DLG2: variants seen among roughly 807,000 people sequenced by gnomAD.
DLG2 encodes the protein discs large MAGUK scaffold protein 2.
In DLG2, 45 loss-of-function variants were observed where a neutral mutation model predicts 132.5. That is an observed-to-expected ratio of 0.34 (90% confidence interval 0.27 to 0.44). The LOEUF is 0.44. Ranked by LOEUF, DLG2 falls within the 20% of genes least tolerant of loss-of-function variation. The pLI is 1.00. For missense variants in DLG2, 1,045 were observed against 1,196.9 expected, an observed-to-expected ratio of 0.87 and a Z score of 1.87; for synonymous variants, 424 against 419.6, an observed-to-expected ratio of 1.01 and a Z score of -0.13.
At chr11:83,969,151 C>A (rs1490578269) in intron 12 of DLG2, among the ~76,000 whole-genome samples, 3 of 152,092 alleles carry the variant, frequency 2.0e-5, no homozygotes. Flanking sequence ...AAGAGATTAA[C>A]TTGCAACAAA....
chr11:84,640,562 A>G (rs2099657536), intron 6 of DLG2: 2 of 313,160 alleles, frequency 6.4e-6, no homozygotes, highest in South Asian at 3.0e-5. Flanking sequence ...AGGATGATGA[A>G]TAAGGTCTAA....
chr11:84,317,831 C>T (rs1023369638), intron 7 of DLG2, among the ~76,000 whole-genome samples: 4 of 152,158 alleles, frequency 2.6e-5, no homozygotes, highest in Admixed American at 1.3e-4. Flanking sequence ...TGAGGTCACA[C>T]CATTATACTA....
intron 17 of DLG2, among the ~76,000 whole-genome samples, chr11:83,830,125 T>C (rs1179891595): frequency 6.6e-6 from 1 of 152,218 alleles, no homozygotes; most frequent in African/African-American, 2.4e-5. Context: ...CTTTCTCAAC[T>C]GAAAAAAGCA....
intron 2 of DLG2, among the ~76,000 whole-genome samples, chr11:85,613,679 C>A (rs1333378890): frequency 6.6e-6 from 1 of 152,162 alleles, no homozygotes; most frequent in Non-Finnish European, 1.5e-5. Context: ...TAGAACAGAA[C>A]AAGCAGCGCT....
chr11:83,472,872 G>T, intron 22 of DLG2, 95 bp from the exon 23 acceptor site: 1 of 1,013,386 alleles, frequency 9.9e-7, no homozygotes, highest in Non-Finnish European at 1.5e-6. Context: ...ACACAGCTCA[G>T]AGTTAATTCT....
At chr11:83,580,377 T>C (rs771518354) in intron 19 of DLG2, among the ~76,000 whole-genome samples, 7 of 151,874 alleles carry the variant, frequency 4.6e-5, no homozygotes, top group Non-Finnish European at 1.0e-4. Flanking sequence ...AAAAAACATT[T>C]ATTGAGCACT....
intron 9 of DLG2, among the ~76,000 whole-genome samples, chr11:84,160,340 G>C (rs2095518910): frequency 1.3e-5 from 2 of 152,146 alleles, no homozygotes; most frequent in Non-Finnish European, 2.9e-5. Flanking sequence ...TTAAAATGTT[G>C]ACATCTTTGA....
In DLG2 at chr11:84,912,733, A is replaced by G. The variant is rs2092190068; in HGVS notation, c.357+198928T>C. 3.9e-5 allele frequency among the ~76,000 whole-genome samples: 6 copies of G among 151,922 alleles called. No individual in the cohort carries two copies. The South Asian group carries it at 1.2e-3, about 31-fold the overall frequency. ...ATGGCGTGAGCCGTGGATGGGAAGT[A>G]TAGCTGGAATTGATTCTGGCTGTGT... is the stretch of plus-strand genomic sequence containing the variant. On this transcript the variant is annotated intron_variant, in intron 6 of 27. Transcript: ENST00000376104.
chr11:84,318,991 T>C (rs2098386833), intron 7 of DLG2, among the ~76,000 whole-genome samples: 1 of 152,206 alleles, frequency 6.6e-6, no homozygotes, highest in Non-Finnish European at 1.5e-5. Context: ...TTCAGCAATG[T>C]TCTAGAAACA....
intron 7 of DLG2, among the ~76,000 whole-genome samples, chr11:84,374,402 G>T (rs1026812659): frequency 6.6e-6 from 1 of 152,234 alleles, no homozygotes. Flanking sequence ...CCCACAGGCT[G>T]CATGCAGTCC....
chr11:83,836,227 T>C (rs758814516), intron 16 of DLG2, among the ~76,000 whole-genome samples: 5 of 152,194 alleles, frequency 3.3e-5, no homozygotes, highest in Non-Finnish European at 7.3e-5. Flanking sequence ...GAAAACAATC[T>C]GCTTTACCCA....
intron 6 of DLG2, among the ~76,000 whole-genome samples, chr11:84,547,247 T>C (rs1415136712): frequency 1.3e-5 from 2 of 152,116 alleles, no homozygotes; most frequent in African/African-American, 4.8e-5. Flanking sequence ...ATTGGAAGAA[T>C]AGAAAAAACT....
chr11:84,638,089 T>G (rs1015663670), intron 6 of DLG2, among the ~76,000 whole-genome samples: 17 of 152,258 alleles, frequency 1.1e-4, no homozygotes, highest in African/African-American at 4.1e-4. Flanking sequence ...TTCCAACCTC[T>G]ACTTTCATTT....
intron 10 of DLG2, among the ~76,000 whole-genome samples, chr11:84,070,827 T>C (rs543358890): frequency 6.6e-6 from 1 of 152,306 alleles, no homozygotes; most frequent in South Asian, 2.1e-4. Flanking sequence ...TGGTGTTCTA[T>C]AAACCTAAAT....
chr11:84,393,109 A>C (rs145128366), intron 7 of DLG2, among the ~76,000 whole-genome samples: 66 of 152,268 alleles, frequency 4.3e-4, no homozygotes, highest in Non-Finnish European at 8.2e-4. Context: ...ATGGCCTAGA[A>C]ATCAGACGGG....
At chr11:84,779,128 C>T (rs2071228733) in intron 6 of DLG2, among the ~76,000 whole-genome samples, 1 of 152,006 alleles carries the variant, frequency 6.6e-6, no homozygotes, top group Admixed American at 6.6e-5. Context: ...TACTGTGGGA[C>T]TTCACGTTGT....
At chr11:84,422,953 T>C (rs990816666) in intron 7 of DLG2, among the ~76,000 whole-genome samples, 16 of 152,188 alleles carry the variant, frequency 1.1e-4, no homozygotes, top group African/African-American at 3.9e-4. Context: ...CCTGCTTTCT[T>C]GTTACAAAAT....
intron 5 of DLG2, among the ~76,000 whole-genome samples, chr11:85,149,960 T>C (rs2077116966): frequency 1.3e-5 from 2 of 151,654 alleles, no homozygotes; most frequent in South Asian, 4.2e-4. Context: ...TTCTGTAATA[T>C]TTTCAAACTT....
chr11:84,985,923 C>A (rs113407166), intron 6 of DLG2, among the ~76,000 whole-genome samples: 6 of 126,734 alleles, frequency 4.7e-5, no homozygotes, highest in African/African-American at 1.8e-4. Flanking sequence ...ATCCGGGACA[C>A]GAAGGCTGCA....
Sources: gnomAD v4.1 joint callset for allele counts (sites outside exome capture counted in the v4.1 genomes callset) on GRCh38, gnomAD v4.1.1 for gene constraint, MANE v1.5 for transcripts, NCBI Gene and HGNC (gene_info 2026-07-23, HGNC 2026-07-21) for gene names.